GALNTL6: variants seen among roughly 807,000 people sequenced by gnomAD.
GALNTL6 encodes the protein polypeptide N-acetylgalactosaminyltransferase-like 6.
GALNTL6 carries 46 observed loss-of-function variants against 73.7 expected under a neutral mutation model. The ratio of observed to expected loss-of-function variants is 0.62; its 90% CI spans 0.49 to 0.80. The LOEUF (loss-of-function observed/expected upper bound fraction) is 0.80. Among genes scored for constraint, GALNTL6 ranks in the 30% least tolerant of loss-of-function variants. GALNTL6 has a pLI of 0.00. For synonymous variants in GALNTL6, 259 were observed against 263.7 expected (o/e 0.98, Z 0.17); for missense variants, 604 against 755.0 (o/e 0.80, Z 2.34).
chr4:172,415,857 C>T (rs190603478), intron 5 of GALNTL6, among the ~76,000 whole-genome samples: 1 of 152,220 alleles, frequency 6.6e-6, no homozygotes, highest in Admixed American at 6.5e-5. Flanking sequence ...ATTTTCACAA[C>T]GCTTTTCCAT....
rs374988235 is a variant in GALNTL6, at chr4:172,673,639, A to G, written c.554-135722A>G. On this transcript the variant is annotated intron_variant, in intron 5 of 12. Coordinates refer to ENST00000506823, the MANE Select transcript of GALNTL6 (RefSeq NM_001034845.3). ...TTGAAGGTCTCTGAGAACTTGCTTT[A>G]TAACTCTGGGTGCTCCTCTATTGGA... Among the ~76,000 whole-genome samples the G allele has an allele frequency of 3.7e-4, 56 of 152,290 alleles. 3 individuals carry two copies. In the South Asian group the frequency reaches 5.6e-3, roughly 15 times the overall value.
chr4:172,996,946 C>T (rs1339793833), intron 10 of GALNTL6, among the ~76,000 whole-genome samples: 3 of 152,050 alleles, frequency 2.0e-5, no homozygotes, highest in Non-Finnish European at 2.9e-5. Flanking sequence ...CTTGTGCCAC[C>T]GCAGCCTCCC....
In GALNTL6 at chr4:171,871,650, GC is replaced by G. The variant is rs572702503; in HGVS notation, c.138+56933del. ...GAATGTAAGAAAGCAATGGCTCTGTGCATACTACCATTAAAATAGTGACACC... is the reference window on the plus strand; with the variant it reads ...GAATGTAAGAAAGCAATGGCTCTGTGATACTACCATTAAAATAGTGACACC... On this transcript the variant is annotated intron_variant, in intron 2 of 12. Transcript: ENST00000506823. Among the ~76,000 whole-genome samples, 293 of 152,192 alleles carry G rather than the reference GC, an allele frequency of 1.9e-3. 1 individual carries two copies. Among genetic ancestry groups the G allele is most frequent in the African/African-American group, 6.9e-3 (285 of 41,556 alleles).
Position 172,916,198 on chromosome 4 carries a change from C to A in GALNTL6, c.1042-14963C>A, listed in dbSNP as rs571295359. Among the ~76,000 whole-genome samples the A allele has an allele frequency of 5.3e-5, 8 of 152,132 alleles. No homozygotes were observed. In the East Asian group the frequency reaches 7.7e-4, roughly 15 times the overall value. On this transcript the variant is annotated intron_variant, in intron 8 of 12. Transcript: ENST00000506823. ...AAGGCCTTTGACAAAATTCAACAAC[C>A]CTTCATGCTAAAAACACTCAATAAA... is the stretch of plus-strand genomic sequence containing the variant.
intron 2 of GALNTL6, among the ~76,000 whole-genome samples, chr4:171,846,034 A>G (rs182034205): frequency 6.6e-6 from 1 of 152,186 alleles, no homozygotes; most frequent in Non-Finnish European, 1.5e-5. Context: ...TTTTCAAATC[A>G]GGGATAGATA....
At chr4:172,980,766 A>G (rs1751029742) in intron 10 of GALNTL6, among the ~76,000 whole-genome samples, 1 of 152,156 alleles carries the variant, frequency 6.6e-6, no homozygotes, top group African/African-American at 2.4e-5. Flanking sequence ...ATACACTTAC[A>G]TTGACGGTTA....
intron 2 of GALNTL6, among the ~76,000 whole-genome samples, chr4:171,931,560 A>C (rs562133550): frequency 6.6e-6 from 1 of 152,360 alleles, no homozygotes; most frequent in East Asian, 1.9e-4. Context: ...AGTTAATTTT[A>C]AATTTCCAAC....
At chr4:172,953,815 A>T (rs1749580161) in intron 10 of GALNTL6, among the ~76,000 whole-genome samples, 1 of 152,220 alleles carries the variant, frequency 6.6e-6, no homozygotes, top group African/African-American at 2.4e-5. Context: ...TTGCATCTTA[A>T]ACATTTTATT....
At chr4:172,454,249 C>G (rs541583433) in intron 5 of GALNTL6, among the ~76,000 whole-genome samples, 15 of 152,336 alleles carry the variant, frequency 9.8e-5, no homozygotes, top group African/African-American at 3.4e-4. Context: ...TCTCCCACCT[C>G]CATCCTTGGT....
At chr4:172,203,528 T>A (rs75534053) in intron 2 of GALNTL6, among the ~76,000 whole-genome samples, 3,094 of 152,264 alleles carry the variant, frequency 0.02, 104 homozygotes, top group African/African-American at 0.067. Context: ...AAGGAATTTT[T>A]CTATAGTATG....
At chr4:172,298,269 T>A (rs1379645812) in intron 3 of GALNTL6, among the ~76,000 whole-genome samples, 1 of 152,184 alleles carries the variant, frequency 6.6e-6, no homozygotes, top group African/African-American at 2.4e-5. Context: ...ATGATGGGGT[T>A]TTCTAGATAT....
rs571427158 is a variant in GALNTL6, at chr4:172,367,337, T to G, written c.553+18648T>G. 2.4e-4 allele frequency among the ~76,000 whole-genome samples: 37 copies of G among 152,312 alleles called. 1 individual carries two copies. The South Asian group carries it at 7.7e-3, about 32-fold the overall frequency. ...TTCATTTCCATGTGTTTGCCTTCAT[T>G]CATGATTAACTTGAGTCTTTTGCTG... On this transcript the variant is annotated intron_variant, in intron 5 of 12. Transcript: ENST00000506823.
chr4:172,649,940 G>C (rs1740400222), intron 5 of GALNTL6, among the ~76,000 whole-genome samples: 1 of 152,020 alleles, frequency 6.6e-6, no homozygotes, highest in South Asian at 2.1e-4. Flanking sequence ...TGTTTATTTG[G>C]CTTCAGATGT....
intron 3 of GALNTL6, among the ~76,000 whole-genome samples, chr4:172,306,338 G>A (rs990458979): frequency 2.1e-4 from 32 of 152,160 alleles, no homozygotes; most frequent in African/African-American, 6.0e-4. Context: ...GCAGTGAGCC[G>A]AGATCGCGCC....
At chr4:171,949,873 A>G (rs1177522260) in intron 2 of GALNTL6, among the ~76,000 whole-genome samples, 1 of 152,190 alleles carries the variant, frequency 6.6e-6, no homozygotes, top group Non-Finnish European at 1.5e-5. Context: ...TACATAAGGC[A>G]ACCTAGTTGT....
chr4:172,151,738 G>T (rs1318274911), intron 2 of GALNTL6, among the ~76,000 whole-genome samples: 1 of 152,020 alleles, frequency 6.6e-6, no homozygotes, highest in East Asian at 1.9e-4. Context: ...TGATTCAATA[G>T]GTCTGGGCAG....
intron 2 of GALNTL6, among the ~76,000 whole-genome samples, chr4:171,959,557 A>G (rs1436361808): frequency 6.6e-6 from 1 of 152,202 alleles, no homozygotes; most frequent in Non-Finnish European, 1.5e-5. Context: ...TTGTATATAC[A>G]TACTTACTCA....
intron 5 of GALNTL6, among the ~76,000 whole-genome samples, chr4:172,620,737 G>A (rs1268210926): frequency 6.6e-6 from 1 of 152,132 alleles, no homozygotes; most frequent in Non-Finnish European, 1.5e-5. Flanking sequence ...TCCCATTTCT[G>A]CCTCTTTAAT....
At chr4:172,217,196 A>G (rs960120550) in intron 2 of GALNTL6, among the ~76,000 whole-genome samples, 1 of 152,174 alleles carries the variant, frequency 6.6e-6, no homozygotes, top group East Asian at 1.9e-4. Context: ...AAAAAGATCT[A>G]GCAATGTTAA....
Sources: allele counts gnomAD v4.1 joint callset (sites outside exome capture counted in the v4.1 genomes callset), GRCh38; gene constraint gnomAD v4.1.1; transcripts MANE v1.5; gene names NCBI Gene and HGNC (gene_info 2026-07-23, HGNC 2026-07-21).